The following CDYL2 variants were observed in gnomAD, a reference collection of about 807,000 sequenced individuals.
CDYL2 encodes chromodomain Y like 2.
A neutral mutation model predicts 49.4 loss-of-function variants in CDYL2; 23 were observed. The ratio of observed to expected loss-of-function variants is 0.47; its 90% confidence interval spans 0.34 to 0.66. The LOEUF is 0.66. Among genes scored for constraint, CDYL2 ranks in the 30% least tolerant of loss-of-function variants. The probability of loss-of-function intolerance (pLI) is 0.01; values close to 1 mark genes in which losing one functional copy is unlikely to be tolerated. For missense variants in CDYL2, 678 were observed against 656.4 expected (o/e 1.03, Z -0.36); for synonymous variants, 360 against 268.8 (o/e 1.34, Z -3.32).
At chr16:80,740,610 T>C (rs1427663168) in intron 1 of CDYL2, among the ~76,000 whole-genome samples, 1 of 152,220 alleles carries the variant, frequency 6.6e-6, no homozygotes, top group Non-Finnish European at 1.5e-5. Context: ...GTCATATATC[T>C]TCACAGCCCA....
In CDYL2 at chr16:80,720,239, A is replaced by G. The variant is rs371004771; in HGVS notation, c.25-35110T>C. 3.1e-4 allele frequency among the ~76,000 whole-genome samples: 47 copies of G among 152,252 alleles called. 1 individual carries two copies. The South Asian group carries it at 9.5e-3, about 31-fold the overall frequency. Reference sequence around the variant, plus strand: ...CCTCATGACTCCCCTCTCTGTGGACATGCCTGGATTCCGTGCTGAATCCTG... The same window carrying G: ...CCTCATGACTCCCCTCTCTGTGGACGTGCCTGGATTCCGTGCTGAATCCTG... On this transcript the variant is annotated intron_variant, in intron 1 of 6. Transcript: ENST00000570137.
chr16:80,773,146 G>A (rs1307348021), intron 1 of CDYL2, among the ~76,000 whole-genome samples: 1 of 152,078 alleles, frequency 6.6e-6, no homozygotes, highest in Non-Finnish European at 1.5e-5. Flanking sequence ...AAAAGAATAT[G>A]ATGTAGCTGT....
At chr16:80,623,990 C>G (rs1398344317) in intron 3 of CDYL2, among the ~76,000 whole-genome samples, 1 of 152,174 alleles carries the variant, frequency 6.6e-6, no homozygotes, top group Non-Finnish European at 1.5e-5. Flanking sequence ...CTGCCACATG[C>G]TACGTTCTGA....
intron 3 of CDYL2, chr16:80,628,283 G>C (rs957311246): frequency 1.3e-5 from 2 of 152,220 alleles, no homozygotes; most frequent in African/African-American, 4.8e-5. Context: ...ACTGGACCTA[G>C]CAACTGGCTT....
Position 80,733,213 on chromosome 16 carries a change from G to C in CDYL2, c.25-48084C>G, listed in dbSNP as rs544512801. Among the ~76,000 whole-genome samples the C allele has an allele frequency of 1.1e-4, 17 of 152,142 alleles. No individual in the cohort carries two copies. In the South Asian group the frequency reaches 3.5e-3, roughly 32 times the overall value. On this transcript the variant is annotated intron_variant, in intron 1 of 6. Transcript: ENST00000570137. ...AAGAAGTTGGATTCACAAAATCAGT[G>C]GTCAAAAAAAGCTCTTAAATATTAC...
At chr16:80,626,162 G>C (rs185348092) in intron 3 of CDYL2, among the ~76,000 whole-genome samples, 1 of 151,200 alleles carries the variant, frequency 6.6e-6, no homozygotes, top group Non-Finnish European at 1.5e-5. Context: ...GCCAGGCATG[G>C]TGGTGCATGC....
chr16:80,801,970 C>G (rs1384696310), intron 1 of CDYL2, among the ~76,000 whole-genome samples: 1 of 152,068 alleles, frequency 6.6e-6, no homozygotes, highest in African/African-American at 2.4e-5. Context: ...AATAATCAGC[C>G]ATGGGAAAGC....
intron 2 of CDYL2, among the ~76,000 whole-genome samples, chr16:80,682,920 C>T (rs2142472080): frequency 6.6e-6 from 1 of 152,296 alleles, no homozygotes; most frequent in Middle Eastern, 3.4e-3. Context: ...AAACGTGAGT[C>T]AGTCTGGGGC....
At chr16:80,643,862 G>A (rs1908214965) in intron 2 of CDYL2, among the ~76,000 whole-genome samples, 1 of 152,238 alleles carries the variant, frequency 6.6e-6, no homozygotes, top group Non-Finnish European at 1.5e-5. Context: ...AGGGTCTGCT[G>A]TGAAGACCTC....
intron 1 of CDYL2, among the ~76,000 whole-genome samples, chr16:80,743,737 A>C (rs1390999993): frequency 1.3e-5 from 2 of 152,036 alleles, no homozygotes; most frequent in Non-Finnish European, 2.9e-5. Flanking sequence ...ATTTTCTATA[A>C]TATATATCAG....
chr16:80,684,604 G>C lies in CDYL2; in HGVS notation c.550C>G (p.His184Asp), dbSNP rs1597172212. Residue 184 changes from histidine to aspartate, a missense_variant, in exon 2 of 7, where the codon CAT (histidine) becomes GAT (aspartate). By Grantham distance (81) the His-to-Asp change is moderately conservative (BLOSUM62 -1). This residue lies in a region of CDYL2 where 478 missense variants were observed against 427.0 expected (regional missense o/e 1.12). Transcript: ENST00000570137. ...SHQPGLDLND[H>D]VGEQDMGECD... ...TCACCCATATCTTGCTCTCCAACAT[G>C]ATCATTCAAATCCAAGCCAGGCTGA... The C allele has an allele frequency of 6.2e-7, 1 of 1,614,186 alleles. No homozygotes were observed.
Position 80,604,290 on chromosome 16 carries a change from G to C in CDYL2, c.*98C>G, listed in dbSNP as rs1303296968. ...ATGGACACAACCCTACGTATAAAGAGACACCTTGACAAACTCCTTGGCCGG... is the reference window on the plus strand; with the variant it reads ...ATGGACACAACCCTACGTATAAAGACACACCTTGACAAACTCCTTGGCCGG... On this transcript the variant is annotated 3_prime_UTR_variant, in exon 7 of 7. Coordinates refer to ENST00000570137, the MANE Select transcript of CDYL2 (RefSeq NM_152342.4). The C allele has an allele frequency of 7.5e-7, 1 of 1,336,230 alleles. No individual in the cohort carries two copies. The highest frequency in any genetic ancestry group is 1.5e-5 in the African/African-American group (1 of 68,358). 82.8% of individuals were successfully genotyped at this position (1,336,230 alleles called of 1,614,324 possible). A position where few individuals can be genotyped will look rare whatever the true frequency, so the allele number is the denominator to read the frequency against.
chr16:80,641,960 C>A (rs978596883), intron 2 of CDYL2, among the ~76,000 whole-genome samples: 8 of 150,230 alleles, frequency 5.3e-5, no homozygotes, highest in Admixed American at 1.3e-4. Context: ...GTGGTAATAG[C>A]AAGTTCACAG....
chr16:80,679,119 G>C (rs746667712), intron 2 of CDYL2, among the ~76,000 whole-genome samples: 7 of 110,810 alleles, frequency 6.3e-5, no homozygotes, highest in Admixed American at 3.3e-4. Flanking sequence ...TTGTGGGGTG[G>C]GGGGAGGGGG....
At chr16:80,652,130 A>G (rs994148016) in intron 2 of CDYL2, among the ~76,000 whole-genome samples, 6 of 152,186 alleles carry the variant, frequency 3.9e-5, no homozygotes, top group African/African-American at 1.4e-4. Context: ...ATGACATCCC[A>G]ATAGCAAAGA....
At chr16:80,710,472 T>C (rs1904557998) in intron 1 of CDYL2, among the ~76,000 whole-genome samples, 1 of 152,192 alleles carries the variant, frequency 6.6e-6, no homozygotes, top group South Asian at 2.1e-4. Flanking sequence ...ACTAAAGTGT[T>C]GATTGTGACA....
intron 2 of CDYL2, chr16:80,662,681 A>T (rs915595429): frequency 1.8e-5 from 8 of 453,774 alleles, no homozygotes; most frequent in Admixed American, 1.6e-4. Context: ...CAGTAGGTGG[A>T]ATCCACATAT....
intron 1 of CDYL2, among the ~76,000 whole-genome samples, chr16:80,803,868 C>G (rs1267109150): frequency 1.4e-5 from 2 of 147,116 alleles, no homozygotes; most frequent in Non-Finnish European, 3.0e-5. Context: ...CGGCTTCCTC[C>G]TTCCCCTCCA....
intron 1 of CDYL2, among the ~76,000 whole-genome samples, chr16:80,774,250 C>A (rs145953729): frequency 6.2e-4 from 94 of 152,118 alleles, no homozygotes; most frequent in African/African-American, 2.1e-3. Context: ...CTGTCATTTG[C>A]AACAATACGG....
Sources: gnomAD v4.1 joint callset for allele counts (sites outside exome capture counted in the v4.1 genomes callset) on GRCh38, gnomAD v4.1.1 for gene constraint, gnomAD v4.1.1 regional missense constraint, MANE v1.5 for transcripts, NCBI Gene and HGNC (gene_info 2026-07-23, HGNC 2026-07-21) for gene names.